The following MBOAT1 variants were observed in gnomAD, a reference collection of about 807,000 sequenced individuals.
MBOAT1 encodes membrane bound glycerophospholipid O-acyltransferase 1, also known as membrane-bound glycerophospholipid O-acyltransferase 1.
A neutral mutation model predicts 64.4 loss-of-function variants in MBOAT1; 67 were observed. The observed-to-expected ratio is 1.04, with a 90% CI of 0.85 to 1.27. The LOEUF is 1.27. Ranked by LOEUF, MBOAT1 falls within the 50% of genes most tolerant of loss-of-function variation. The pLI is 0.00. For missense variants in MBOAT1, 563 were observed against 604.6 expected (o/e 0.93, Z 0.72); for synonymous variants, 229 against 218.9 (o/e 1.05, Z -0.41).
chr6:20,113,044 C>A, intron 10 of MBOAT1, 36 bp from the exon 11 acceptor site: 2 of 1,600,474 alleles, frequency 1.2e-6, no homozygotes, highest in South Asian at 2.3e-5. Context: ...ACAGGTGAAA[C>A]ATACCAGAAA....
At chr6:20,108,686 G>A (rs1215548281) in intron 12 of MBOAT1, among the ~76,000 whole-genome samples, 1 of 152,180 alleles carries the variant, frequency 6.6e-6, no homozygotes, top group Non-Finnish European at 1.5e-5. Flanking sequence ...ATGTTCCAAA[G>A]TTAACCTAGA....
At chr6:20,174,227 T>A (rs78540462) in intron 1 of MBOAT1, among the ~76,000 whole-genome samples, 3,866 of 152,296 alleles carry the variant, frequency 0.025, 69 homozygotes, top group South Asian at 0.04. Context: ...ACATAAGAAG[T>A]ACAATCCTGC....
intron 1 of MBOAT1, among the ~76,000 whole-genome samples, chr6:20,171,155 GC>G (rs1485844390): frequency 1.3e-5 from 2 of 152,092 alleles, no homozygotes; most frequent in East Asian, 3.8e-4. Context: ...TTACTGAAAG[GC>G]TGATGTGTAA....
intron 1 of MBOAT1, among the ~76,000 whole-genome samples, chr6:20,196,355 T>C (rs1393423936): frequency 6.6e-6 from 1 of 152,062 alleles, no homozygotes; most frequent in Non-Finnish European, 1.5e-5. Flanking sequence ...AAAGACCACA[T>C]ACTGTATGAT....
intron 7 of MBOAT1, among the ~76,000 whole-genome samples, chr6:20,125,672 G>A (rs1023954551): frequency 6.6e-6 from 1 of 152,212 alleles, no homozygotes; most frequent in South Asian, 2.1e-4. Context: ...CTCCTAGATC[G>A]TTTTGGTAAA....
intron 12 of MBOAT1, among the ~76,000 whole-genome samples, chr6:20,102,885 TCG>T (rs1293412822): frequency 6.6e-5 from 10 of 152,310 alleles, no homozygotes; most frequent in Admixed American, 6.5e-4. Flanking sequence ...GTCGTAGCCA[TCG>T]TAATGTCATA....
In MBOAT1 at chr6:20,099,930, C is replaced by T. The variant is rs938517486; in HGVS notation, c.*2356G>A. Among the ~76,000 whole-genome samples, 1 of 152,154 alleles carries T rather than the reference C, an allele frequency of 6.6e-6. No homozygotes were observed. Among genetic ancestry groups the T allele is most frequent in the Non-Finnish European group, 1.5e-5 (1 of 68,026 alleles). On this transcript the variant is annotated 3_prime_UTR_variant, in exon 13 of 13. Transcript: ENST00000324607. ...TCTCCTATGTGTTGTTCTTTTTATA[C>T]AGAATAAAGCCTCATGTTTGTGTCC... is the stretch of plus-strand genomic sequence containing the variant.
Position 20,109,712 on chromosome 6 carries a change from C to T in MBOAT1, c.1247G>A (p.Arg416Lys). 6.2e-7 allele frequency: 1 copy of T among 1,614,036 alleles called. No homozygotes were observed. The highest frequency in any genetic ancestry group is 8.5e-7 in the Non-Finnish European group (1 of 1,179,992). ...TGCATCATACACAGCCTTGAGAGCT[C>T]TTGAAGAAAGGAAGTAATGTCTGTA... Reference protein sequence around the residue: ...NNYRHYFLSSRALKAVYDAGT... With the variant: ...NNYRHYFLSSKALKAVYDAGT... The change falls in exon 12 of 13, where the codon AGA becomes AAA. Residue 416 changes from arginine (R) to lysine (K), a missense_variant. Physicochemically the swap from Arg to Lys is conservative, Grantham distance 26 (BLOSUM62 2). Transcript: ENST00000324607.
At chr6:20,157,527 C>T (rs964604533) in intron 1 of MBOAT1, among the ~76,000 whole-genome samples, 5 of 152,100 alleles carry the variant, frequency 3.3e-5, no homozygotes, top group Non-Finnish European at 2.9e-5. Flanking sequence ...GGTAAAATTA[C>T]ATGTAGAATT....
At chr6:20,209,801 G>GTGCCACAGGAGGAGCCCC (rs1255243626) in intron 1 of MBOAT1, among the ~76,000 whole-genome samples, 2 of 152,180 alleles carry the variant, frequency 1.3e-5, no homozygotes, top group Non-Finnish European at 2.9e-5. Context: ...TCCCTATCCT[G>GTGCCACAGGAGGAGCCCC]TGCCACAGGA....
At chr6:20,128,317 T>C (rs928135971) in intron 6 of MBOAT1, among the ~76,000 whole-genome samples, 1 of 152,172 alleles carries the variant, frequency 6.6e-6, no homozygotes, top group African/African-American at 2.4e-5. Context: ...CTGACATTGA[T>C]CATTCACTAT....
At chr6:20,131,098 A>G (rs747884824) in intron 5 of MBOAT1, 46 bp downstream of exon 5, 6 of 1,512,634 alleles carry the variant, frequency 4.0e-6, no homozygotes, top group South Asian at 2.2e-5. Context: ...AGAGCTCTGC[A>G]TGTCAGGCTC....
intron 1 of MBOAT1, among the ~76,000 whole-genome samples, chr6:20,208,335 A>G (rs1266928264): frequency 1.3e-5 from 2 of 150,872 alleles, no homozygotes; most frequent in Non-Finnish European, 2.9e-5. Flanking sequence ...AATCACAGCT[A>G]CTCTGGAGAC....
intron 1 of MBOAT1, among the ~76,000 whole-genome samples, chr6:20,160,793 G>C (rs918105186): frequency 2.0e-5 from 3 of 152,148 alleles, no homozygotes; most frequent in African/African-American, 7.2e-5. Context: ...GAATACCCTT[G>C]ATTTACTTTA....
chr6:20,170,129 C>A (rs1159519329), intron 1 of MBOAT1, among the ~76,000 whole-genome samples: 1 of 152,176 alleles, frequency 6.6e-6, no homozygotes, highest in Non-Finnish European at 1.5e-5. Flanking sequence ...TGTTATCCCC[C>A]CCTGCAATGA....
intron 10 of MBOAT1, 23 bp from the exon 11 acceptor site, chr6:20,113,031 G>C (rs1760217976): frequency 1.9e-6 from 3 of 1,607,360 alleles, no homozygotes; most frequent in Admixed American, 1.7e-5. Flanking sequence ...GAAGGAACAA[G>C]ACACAGGTGA....
intron 1 of MBOAT1, among the ~76,000 whole-genome samples, chr6:20,192,995 CTTTT>C (rs1174816793): frequency 0.012 from 682 of 54,834 alleles, no homozygotes; most frequent in African/African-American, 0.038. Flanking sequence ...GCTATAATTT[CTTTT>C]TTTTTTTTTT....
rs1048663032 is a variant in MBOAT1, at chr6:20,196,891, A to C, written c.99+15245T>G. Among the ~76,000 whole-genome samples, 10 of 152,176 alleles carry C rather than the reference A, an allele frequency of 6.6e-5. No homozygotes were observed. In the South Asian group the frequency reaches 1.9e-3, roughly 28 times the overall value. ...AAAAAAAACAAACAAACAAAAAAAA[A>C]ACTGAACTGTACACTTTAAACAGGG... On this transcript the variant is annotated intron_variant, in intron 1 of 12. Transcript: ENST00000324607.
intron 4 of MBOAT1, among the ~76,000 whole-genome samples, chr6:20,137,927 C>T (rs1561758174): frequency 6.6e-6 from 1 of 152,198 alleles, no homozygotes; most frequent in Non-Finnish European, 1.5e-5. Context: ...TATCTCTTGA[C>T]AAAATCCGAA....
Sources: allele counts gnomAD v4.1 joint callset (sites outside exome capture counted in the v4.1 genomes callset), GRCh38; gene constraint gnomAD v4.1.1; transcripts MANE v1.5; gene names NCBI Gene and HGNC (gene_info 2026-07-23, HGNC 2026-07-21).